Variants in MTA1 observed in about 807,000 individuals in gnomAD.
The protein encoded by MTA1 is metastasis-associated protein MTA1.
In MTA1, 15 loss-of-function variants were observed where a neutral mutation model predicts 97.0. The ratio of observed to expected loss-of-function variants is 0.15; its 90% CI spans 0.10 to 0.24. The LOEUF is 0.24. MTA1 is among the 10% of genes least tolerant of loss of function. MTA1 has a pLI of 1.00. For synonymous variants in MTA1, 435 were observed against 417.5 expected, an observed-to-expected ratio of 1.04 and a Z score of -0.51; for missense variants, 709 against 1,015.1, an observed-to-expected ratio of 0.70 and a Z score of 4.10.
At chr14:105,434,577 C>T (rs894384838) in intron 1 of MTA1, among the ~76,000 whole-genome samples, 2 of 149,054 alleles carry the variant, frequency 1.3e-5, no homozygotes, top group African/African-American at 4.9e-5. Flanking sequence ...CAGCTCACCG[C>T]AACCTCCGCC....
At position 105,464,692 on chromosome 14, in the gene MTA1, G is replaced by C. The variant is rs782560865; in HGVS notation, c.1363G>C (p.Ala455Pro). 23 of 1,604,906 alleles carry C rather than the reference G, an allele frequency of 1.4e-5. No homozygotes were observed. Among genetic ancestry groups the C allele is most frequent in the Non-Finnish European group, 2.0e-5 (23 of 1,174,176 alleles). The change falls in exon 15 of 21, where the codon GCC (alanine) becomes CCC (proline). Residue 455 changes from alanine (A) to proline (P), a missense_variant. Coordinates refer to ENST00000331320, the MANE Select transcript of MTA1 (RefSeq NM_004689.4). ...TCCGCAGAGTCCCCACGGCCTCCCA[G>C]CCCGGAGCAGCGGGAGCCCCAAGTT... ...RSNMSPHGLP[A>P]RSSGSPKFAM...
intron 2 of MTA1, among the ~76,000 whole-genome samples, chr14:105,444,785 C>T (rs1276741111): frequency 7.7e-5 from 11 of 143,190 alleles, no homozygotes; most frequent in African/African-American, 2.9e-4. Flanking sequence ...AGTGAGACCC[C>T]ATCTTAAAAA....
chr14:105,467,622 C>T (rs587748227), intron 18 of MTA1: 215 of 381,744 alleles, frequency 5.6e-4, no homozygotes, highest in South Asian at 1.5e-3. Context: ...GCAGCTTCCT[C>T]CCGACATCCC....
intron 16 of MTA1, chr14:105,466,098 T>G: frequency 3.1e-6 from 1 of 327,828 alleles, no homozygotes; most frequent in East Asian, 7.6e-5. Context: ...GGGGGCTGTT[T>G]AATAGGCGTG....
intron 1 of MTA1, among the ~76,000 whole-genome samples, chr14:105,427,159 T>TA (rs1346580990): frequency 3.9e-5 from 6 of 152,262 alleles, no homozygotes; most frequent in African/African-American, 7.2e-5. Flanking sequence ...TGTTAAAACT[T>TA]ACGTGTAACC....
At chr14:105,448,444 G>C (rs1179575182) in intron 3 of MTA1, among the ~76,000 whole-genome samples, 5 of 152,190 alleles carry the variant, frequency 3.3e-5, no homozygotes, top group African/African-American at 1.2e-4. Flanking sequence ...GTCAGTGCTC[G>C]GATGGGGCCT....
intron 2 of MTA1, among the ~76,000 whole-genome samples, chr14:105,441,091 G>A (rs1183028425): frequency 6.6e-6 from 1 of 151,808 alleles, no homozygotes; most frequent in Non-Finnish European, 1.5e-5. Flanking sequence ...ACATGTGGCT[G>A]GCAGCGCGGA....
intron 16 of MTA1, 139 bp downstream of exon 16, chr14:105,465,322 G>C: frequency 1.5e-6 from 1 of 686,380 alleles, no homozygotes; most frequent in Non-Finnish European, 2.2e-6. Context: ...TGTCCTTTTG[G>C]GGTACTCTGC....
intron 8 of MTA1, 31 bp downstream of exon 8, chr14:105,458,403 G>T: frequency 1.9e-6 from 3 of 1,593,310 alleles, no homozygotes; most frequent in South Asian, 1.1e-5. Flanking sequence ...AGGCCAGCAG[G>T]GGTGGTGCCT....
chr14:105,435,172 C>T (rs1449686287), intron 1 of MTA1, among the ~76,000 whole-genome samples: 2 of 152,106 alleles, frequency 1.3e-5, no homozygotes, highest in Non-Finnish European at 2.9e-5. Flanking sequence ...AGTTTAATAG[C>T]GTATGTGTTG....
intron 16 of MTA1, 163 bp downstream of exon 16, chr14:105,465,346 C>G: frequency 2.0e-6 from 1 of 496,886 alleles, no homozygotes; most frequent in Non-Finnish European, 3.3e-6. Context: ...GTGCCAGGCT[C>G]AGGCAGACCC....
chr14:105,449,043 C>T (rs587730520), intron 3 of MTA1: 7 of 358,362 alleles, frequency 2.0e-5, no homozygotes, highest in Non-Finnish European at 3.5e-5. Context: ...GCCCCGGTCT[C>T]ATCTGGACAG....
At chr14:105,459,090 C>T (rs1160746736) in intron 8 of MTA1, among the ~76,000 whole-genome samples, 1 of 131,128 alleles carries the variant, frequency 7.6e-6, no homozygotes, top group African/African-American at 2.9e-5. Flanking sequence ...CTGCCCATGG[C>T]CCCTGGTCCC....
chr14:105,455,487 G>C (rs1456260311), intron 7 of MTA1, among the ~76,000 whole-genome samples: 1 of 152,240 alleles, frequency 6.6e-6, no homozygotes, highest in Non-Finnish European at 1.5e-5. Context: ...CTCTGCCCCC[G>C]AGGGTGGGCG....
chr14:105,435,927 T>C (rs1385303573), intron 1 of MTA1, among the ~76,000 whole-genome samples: 5 of 152,198 alleles, frequency 3.3e-5, no homozygotes, highest in African/African-American at 1.2e-4. Flanking sequence ...TCTCTCTTTG[T>C]TTCTTTGTCA....
intron 2 of MTA1, among the ~76,000 whole-genome samples, chr14:105,442,543 G>A (rs1267862055): frequency 1.3e-5 from 2 of 152,262 alleles, no homozygotes; most frequent in Non-Finnish European, 2.9e-5. Context: ...GGAGAAAAAA[G>A]ACGATTGTTA....
rs587680528 is a variant in MTA1 at position 105,463,902 on chromosome 14, C to T, written c.1077-130C>T. ...ACTGAAAGGGGAGAAAGGAAGATCC[C>T]TGCCGAGGCCGAGGGGTGCGAGGAC... is the stretch of plus-strand genomic sequence containing the variant. On this transcript the variant is annotated intron_variant, in intron 12 of 20. Transcript: ENST00000331320. This position sits in a 1 kb window ranked among gnomAD's most constrained non-coding sequence, Gnocchi z 5.9. 2 of 862,098 alleles carry T rather than the reference C, an allele frequency of 2.3e-6. No homozygotes were observed. The highest frequency in any genetic ancestry group is 3.8e-6 in the Non-Finnish European group (2 of 521,222). 53.4% of individuals were successfully genotyped at this position (862,098 alleles called of 1,614,324 possible).
rs1011378095 is a variant in MTA1, at chr14:105,463,392, C to T, written c.1018-101C>T. The T allele has an allele frequency of 3.3e-6, 5 of 1,505,546 alleles. No individual in the cohort carries two copies. Among genetic ancestry groups the T allele is most frequent in the South Asian group, 2.3e-5 (2 of 88,174 alleles). The allele number at this position is 1,505,546 out of a possible 1,614,324, so 93.3% of individuals were successfully genotyped here. On this transcript the variant is annotated intron_variant, in intron 11 of 20. Transcript: ENST00000331320. The surrounding 1 kb of genome is among the most constrained non-coding windows in gnomAD (Gnocchi z 5.9). ...CTCCTGAGTCCCTGGCCCGGCTGTC[C>T]TCTCCGTGGTGCTCTCCTCTCCGTA...
At chr14:105,453,296 T>C (rs587661826) in intron 6 of MTA1, among the ~76,000 whole-genome samples, 1 of 152,402 alleles carries the variant, frequency 6.6e-6, no homozygotes, top group Admixed American at 6.5e-5. Flanking sequence ...GAACTCCTGA[T>C]TTCTGTTGCT....
Sources: allele counts gnomAD v4.1 joint callset (sites outside exome capture counted in the v4.1 genomes callset), GRCh38; gene constraint gnomAD v4.1.1; non-coding constraint Gnocchi (gnomAD v3.1); transcripts MANE v1.5; gene names NCBI Gene and HGNC (gene_info 2026-07-23, HGNC 2026-07-21).